GRK3: variants seen among roughly 807,000 people sequenced by gnomAD.
GRK3 encodes the protein adrenergic, beta, receptor kinase 2.
GRK3 carries 54 observed loss-of-function variants against 95.7 expected under a neutral mutation model. The observed-to-expected ratio is 0.56, with a 90% CI of 0.45 to 0.71. GRK3 has a LOEUF of 0.71. Among genes scored for constraint, GRK3 ranks in the 30% least tolerant of loss-of-function variants. The pLI is 0.00. For synonymous variants in GRK3, 281 were observed against 290.8 expected, an observed-to-expected ratio of 0.97 and a Z score of 0.34; for missense variants, 649 against 851.2, an observed-to-expected ratio of 0.76 and a Z score of 2.96.
intron 2 of GRK3, among the ~76,000 whole-genome samples, chr22:25,606,487 G>A (rs1296642729): frequency 2.0e-5 from 3 of 152,190 alleles, no homozygotes; most frequent in Non-Finnish European, 2.9e-5. Context: ...GCCATGGTGG[G>A]AGTAAATGTG....
chr22:25,646,548 G>A (rs946147584), intron 3 of GRK3, among the ~76,000 whole-genome samples: 1 of 152,136 alleles, frequency 6.6e-6, no homozygotes, highest in Non-Finnish European at 1.5e-5. Flanking sequence ...GAAACCCTAA[G>A]CAGAATGAAT....
intron 4 of GRK3, among the ~76,000 whole-genome samples, chr22:25,662,626 T>A (rs1601509852): frequency 6.6e-6 from 1 of 152,218 alleles, no homozygotes; most frequent in East Asian, 1.9e-4. Flanking sequence ...ACTGCTCTGT[T>A]CCTTGGACCC....
At chr22:25,569,756 A>G (rs1393071410) in intron 1 of GRK3, among the ~76,000 whole-genome samples, 1 of 152,254 alleles carries the variant, frequency 6.6e-6, no homozygotes, top group Non-Finnish European at 1.5e-5. Context: ...TTTAACGTCC[A>G]TGATGTAATA....
intron 18 of GRK3, among the ~76,000 whole-genome samples, chr22:25,717,394 G>A (rs746135895): frequency 6.6e-6 from 1 of 152,048 alleles, no homozygotes. Context: ...CCTCTCCTTT[G>A]TTCTTTACCT....
intron 15 of GRK3, among the ~76,000 whole-genome samples, chr22:25,705,955 C>A (rs1448371519): frequency 6.6e-6 from 1 of 152,182 alleles, no homozygotes; most frequent in Non-Finnish European, 1.5e-5. Context: ...GGTAGCATCC[C>A]TTGTGCTCGG....
At chr22:25,665,515 G>C (rs928361933) in intron 5 of GRK3, among the ~76,000 whole-genome samples, 1 of 151,910 alleles carries the variant, frequency 6.6e-6, no homozygotes, top group African/African-American at 2.4e-5. Context: ...TCATTTAGAA[G>C]CAATTTCTTT....
chr22:25,711,997 G>A (rs754923329), intron 17 of GRK3, among the ~76,000 whole-genome samples: 4 of 152,246 alleles, frequency 2.6e-5, no homozygotes, highest in Non-Finnish European at 4.4e-5. Flanking sequence ...ACGTAGGACT[G>A]GGACCAGCTA....
At chr22:25,715,347 C>A (rs1044409805) in intron 18 of GRK3, among the ~76,000 whole-genome samples, 1 of 152,068 alleles carries the variant, frequency 6.6e-6, no homozygotes, top group East Asian at 1.9e-4. Context: ...AACCCCATCT[C>A]TACAAAAAAT....
rs1476947084 is a variant in GRK3 at position 25,648,996 on chromosome 22, C to G, written c.264+4331C>G. 2.0e-5 allele frequency: 22 copies of G among 1,102,208 alleles called. No individual in the cohort carries two copies. The East Asian group carries it at 4.9e-4, about 25-fold the overall frequency. The allele number at this position is 1,102,208 out of a possible 1,614,324, so 68.3% of individuals were successfully genotyped here. A position where few individuals can be genotyped will look rare whatever the true frequency, so the allele number is the denominator to read the frequency against. On this transcript the variant is annotated intron_variant, in intron 3 of 20. Transcript: ENST00000324198. ...CTCATTTGGAATTCTACAGACAGAA[C>G]TGGTAACAAAGGGCAGAGTGCCATA...
intron 13 of GRK3, among the ~76,000 whole-genome samples, chr22:25,695,510 G>A (rs2085200330): frequency 2.0e-5 from 3 of 152,054 alleles, no homozygotes; most frequent in Non-Finnish European, 2.9e-5. Flanking sequence ...CCACATTGTA[G>A]GAATAAGTAT....
At chr22:25,637,703 A>G (rs796651030) in intron 2 of GRK3, among the ~76,000 whole-genome samples, 6 of 152,354 alleles carry the variant, frequency 3.9e-5, no homozygotes, top group African/African-American at 1.2e-4. Flanking sequence ...CCAAATCTAT[A>G]TAATGCAGCA....
At chr22:25,608,450 G>A (rs550800873) in intron 2 of GRK3, among the ~76,000 whole-genome samples, 1 of 152,184 alleles carries the variant, frequency 6.6e-6, no homozygotes, top group Non-Finnish European at 1.5e-5. Context: ...TTCTGCAGGT[G>A]GAATTAAGAT....
chr22:25,658,276 A>C (rs2084886466), intron 3 of GRK3, among the ~76,000 whole-genome samples: 1 of 152,202 alleles, frequency 6.6e-6, no homozygotes, highest in Non-Finnish European at 1.5e-5. Flanking sequence ...TGATTGATAC[A>C]TTGTGGATAC....
At chr22:25,679,484 T>G (rs1448761508) in intron 9 of GRK3, among the ~76,000 whole-genome samples, 1 of 152,228 alleles carries the variant, frequency 6.6e-6, no homozygotes, top group African/African-American at 2.4e-5. Context: ...AGCTATCATT[T>G]TTAGCTCAAC....
chr22:25,625,486 C>T (rs949459594), intron 2 of GRK3, among the ~76,000 whole-genome samples: 90 of 152,258 alleles, frequency 5.9e-4, no homozygotes, highest in African/African-American at 1.9e-3. Context: ...CGTTGCCAGG[C>T]GGACCGTGGT....
At chr22:25,665,022 C>G (rs1280704343) in intron 5 of GRK3, among the ~76,000 whole-genome samples, 1 of 152,148 alleles carries the variant, frequency 6.6e-6, no homozygotes, top group Non-Finnish European at 1.5e-5. Flanking sequence ...AATTCATTGA[C>G]CTGACCTGGC....
At chr22:25,686,863 A>G (rs552305753) in intron 10 of GRK3, among the ~76,000 whole-genome samples, 24 of 152,252 alleles carry the variant, frequency 1.6e-4, no homozygotes, top group Non-Finnish European at 3.4e-4. Flanking sequence ...TCTGTTGCCC[A>G]GGCTGGAGTG....
At chr22:25,651,848 A>G (rs187405900) in intron 3 of GRK3, among the ~76,000 whole-genome samples, 2 of 152,344 alleles carry the variant, frequency 1.3e-5, no homozygotes, top group Admixed American at 6.5e-5. Context: ...ACATTTGAAG[A>G]GTTTTTCCAA....
chr22:25,677,920 C>T (rs918426270), intron 8 of GRK3, among the ~76,000 whole-genome samples: 2 of 152,136 alleles, frequency 1.3e-5, no homozygotes, highest in Non-Finnish European at 2.9e-5. Flanking sequence ...TGAGTTTGTT[C>T]CAGGTTTTCA....
Sources: gnomAD v4.1 joint callset for allele counts (sites outside exome capture counted in the v4.1 genomes callset) on GRCh38, gnomAD v4.1.1 for gene constraint, MANE v1.5 for transcripts, NCBI Gene and HGNC (gene_info 2026-07-23, HGNC 2026-07-21) for gene names.